The following ENPP2 variants were observed in gnomAD, a reference collection of about 807,000 sequenced individuals.
ENPP2 encodes ectonucleotide pyrophosphatase/phosphodiesterase 2, also known as autotaxin.
In ENPP2, 51 loss-of-function variants were observed where a neutral mutation model predicts 120.2. That is an observed-to-expected ratio of 0.42 (90% CI 0.34 to 0.54). The LOEUF is 0.54. ENPP2 is among the 20% of genes least tolerant of loss of function. The pLI is 0.04. For missense variants in ENPP2, 920 were observed against 1,066.5 expected (o/e 0.86, Z 1.91); for synonymous variants, 365 against 366.4 (o/e 1.00, Z 0.04).
At chr8:119,572,034 A>T in intron 19 of ENPP2, 1 of 612,720 alleles carries the variant, frequency 1.6e-6, no homozygotes, top group Non-Finnish European at 2.8e-6. Context: ...AAATTTGGGG[A>T]CCCACCCCTA....
At chr8:119,659,304 A>G (rs1344705842) in intron 1 of ENPP2, among the ~76,000 whole-genome samples, 1 of 146,124 alleles carries the variant, frequency 6.8e-6, no homozygotes, top group African/African-American at 2.7e-5. Flanking sequence ...ACTACAGGAC[A>G]AGACTCTGTC....
chr8:119,590,620 A>G lies in ENPP2; in HGVS notation c.1092T>C (p.Asp364=). The change falls in exon 13 of 25, where the codon GAT becomes GAC. Residue 364 remains aspartate, a synonymous_variant. Coordinates refer to ENST00000075322, the MANE Select transcript of ENPP2 (RefSeq NM_001040092.3). ...AGAACTCAGTTCTATCACATGTGAC[A>G]TCTTCCATTCCTATGGGGAGGGAGA... ...VIFVGDHGME[D]VTCDRTEFLS... 6.5e-7 allele frequency: 1 copy of G among 1,548,820 alleles called. No homozygotes were observed. The highest frequency in any genetic ancestry group is 8.7e-7 in the Non-Finnish European group (1 of 1,147,008).
chr8:119,648,164 C>T (rs1007001956), intron 1 of ENPP2, among the ~76,000 whole-genome samples: 3 of 152,118 alleles, frequency 2.0e-5, no homozygotes, highest in African/African-American at 7.2e-5. Flanking sequence ...TGTAATAATG[C>T]ATGTTAAGCA....
intron 8 of ENPP2, among the ~76,000 whole-genome samples, chr8:119,611,543 T>C (rs1815108628): frequency 1.3e-5 from 2 of 152,118 alleles, no homozygotes; most frequent in South Asian, 4.1e-4. Context: ...TGGAGTGCTG[T>C]CCTTAAGGCC....
chr8:119,560,270 AC>A (rs1369820997), intron 24 of ENPP2, among the ~76,000 whole-genome samples: 1 of 152,002 alleles, frequency 6.6e-6, no homozygotes, highest in Non-Finnish European at 1.5e-5. Context: ...CAAGAATTTC[AC>A]CTCCCTACAA....
chr8:119,562,875 G>T lies in ENPP2; in HGVS notation c.2403C>A (p.Asp801Glu), dbSNP rs1814083504. Residue 801 changes from aspartate to glutamate, a missense_variant, in exon 24 of 25, where the codon GAC becomes GAA. Transcript: ENST00000075322. ...VSSFILPHRP[D>E]NEESCNSSED... Reference sequence around the variant, plus strand: ...AACTCACATTGCAGCTCTCCTCGTTGTCAGGCCGGTGAGGCAGGATGAAGG... The same window carrying T: ...AACTCACATTGCAGCTCTCCTCGTTTTCAGGCCGGTGAGGCAGGATGAAGG... 6.2e-7 allele frequency: 1 copy of T among 1,614,104 alleles called. No individual in the cohort carries two copies.
At chr8:119,665,439 G>C (rs1479373511) in intron 1 of ENPP2, among the ~76,000 whole-genome samples, 1 of 152,102 alleles carries the variant, frequency 6.6e-6, no homozygotes, top group Admixed American at 6.6e-5. Flanking sequence ...AAAACACTAG[G>C]CAGTGCAATG....
chr8:119,587,153 C>T, intron 13 of ENPP2, 78 bp from the exon 14 acceptor site: 5 of 1,173,670 alleles, frequency 4.3e-6, no homozygotes, highest in Non-Finnish European at 6.3e-6. Context: ...GCAAGATACT[C>T]AATTCTTTCT....
intron 11 of ENPP2, 129 bp from the exon 12 acceptor site, chr8:119,593,989 G>C (rs1046093478): frequency 8.9e-6 from 6 of 675,770 alleles, no homozygotes; most frequent in Middle Eastern, 2.5e-4. Context: ...TTTGTCTGGG[G>C]AGATTTGCCT....
chr8:119,565,087 T>C (rs756409278), intron 22 of ENPP2, 132 bp from the exon 23 acceptor site: 43 of 681,836 alleles, frequency 6.3e-5, no homozygotes, highest in Non-Finnish European at 1.0e-4. Context: ...TCGTGATTCA[T>C]GAGATGAATC....
intron 22 of ENPP2, among the ~76,000 whole-genome samples, chr8:119,566,030 T>C (rs573485919): frequency 6.6e-6 from 1 of 152,200 alleles, no homozygotes; most frequent in South Asian, 2.1e-4. Context: ...ACTTTCTTCC[T>C]GTCCCCTGAC....
upstream of ENPP2, among the ~76,000 whole-genome samples, chr8:119,642,431 G>A (rs1408790311): frequency 2.0e-5 from 3 of 151,742 alleles, no homozygotes; most frequent in African/African-American, 4.8e-5. Context: ...ATATGCTAAC[G>A]ATGGTTGACA....
intron 22 of ENPP2, among the ~76,000 whole-genome samples, chr8:119,565,932 G>T (rs916854952): frequency 4.6e-5 from 7 of 151,902 alleles, no homozygotes; most frequent in Admixed American, 2.0e-4. Context: ...ATTTTTCATT[G>T]TAATTAGAGT....
At chr8:119,644,623 T>TATATATATATATATATAC (rs1563768976) in intron 1 of ENPP2, among the ~76,000 whole-genome samples, 2 of 97,250 alleles carry the variant, frequency 2.1e-5, no homozygotes, top group Admixed American at 2.2e-4. Context: ...TATATATATA[T>TATATATATATATATATAC]ATACACACAC....
chr8:119,668,134 GC>G (rs1247254956), intron 1 of ENPP2, among the ~76,000 whole-genome samples: 1 of 152,098 alleles, frequency 6.6e-6, no homozygotes, highest in Non-Finnish European at 1.5e-5. Context: ...CCCTATCAAA[GC>G]AAGTATAATA....
chr8:119,671,431 A>G (rs1161436484), intron 1 of ENPP2, among the ~76,000 whole-genome samples: 3 of 152,200 alleles, frequency 2.0e-5, no homozygotes, highest in Non-Finnish European at 4.4e-5. Context: ...TACTGGCCAT[A>G]AGTATAACAG....
upstream of ENPP2, among the ~76,000 whole-genome samples, chr8:119,640,429 C>G (rs901158692): frequency 1.3e-5 from 2 of 152,202 alleles, no homozygotes; most frequent in African/African-American, 2.4e-5. Flanking sequence ...AATATCAAGG[C>G]AATCCTGTTA....
intron 3 of ENPP2, among the ~76,000 whole-genome samples, chr8:119,621,846 G>A (rs1587505318): frequency 6.6e-6 from 1 of 152,302 alleles, no homozygotes; most frequent in East Asian, 1.9e-4. Flanking sequence ...GTTTATGATA[G>A]GGCTATCTAC....
intron 1 of ENPP2, among the ~76,000 whole-genome samples, chr8:119,658,632 C>T (rs1330082045): frequency 6.6e-6 from 1 of 152,136 alleles, no homozygotes; most frequent in African/African-American, 2.4e-5. Context: ...CAGACAGAGA[C>T]CTTCCCTGAC....
Sources: gnomAD v4.1 joint callset for allele counts (sites outside exome capture counted in the v4.1 genomes callset) on GRCh38, gnomAD v4.1.1 for gene constraint, MANE v1.5 for transcripts, NCBI Gene and HGNC (gene_info 2026-07-23, HGNC 2026-07-21) for gene names.